PKD2L2: variants seen among roughly 807,000 people sequenced by gnomAD.
PKD2L2 encodes the protein polycystin 2 like 2, transient receptor potential cation channel, also known as polycystin-2-like protein 2.
In PKD2L2, 67 loss-of-function variants were observed where a neutral mutation model predicts 83.9. The ratio of observed to expected loss-of-function variants is 0.80; its 90% CI spans 0.66 to 0.98. The LOEUF (loss-of-function observed/expected upper bound fraction) is 0.98, where lower values mean the gene tolerates loss of function less well. PKD2L2 is among the 50% of genes least tolerant of loss of function. The pLI, the probability that PKD2L2 is intolerant of heterozygous loss-of-function variation, is 0.00. For synonymous variants in PKD2L2, 223 were observed against 237.8 expected (o/e 0.94, Z 0.57); for missense variants, 632 against 717.2 (o/e 0.88, Z 1.36).
At position 137,890,539 on chromosome 5, in the gene PKD2L2, G is replaced by T. The variant is rs1486706748; in HGVS notation, c.90G>T (p.Gln30His). 3 of 1,575,156 alleles carry T rather than the reference G, an allele frequency of 1.9e-6. No individual in the cohort carries two copies. The highest frequency in any genetic ancestry group is 2.7e-5 in the African/African-American group (2 of 73,666). The stretch of plus-strand genomic sequence containing the variant: ...AAGTAGAAATTACAACCACACTTCA[G>T]GAATTGTTACTCTACTTTATTTTTT... ...RKEVEITTTLQELLLYFIFLI... is the reference protein window; with the variant it reads ...RKEVEITTTLHELLLYFIFLI... Residue 30 changes from glutamine to histidine, a missense_variant, in exon 2 of 15, where the codon CAG becomes CAT. Transcript: ENST00000508883.
At chr5:137,912,966 G>A (rs1307442931) in intron 8 of PKD2L2, among the ~76,000 whole-genome samples, 4 of 150,728 alleles carry the variant, frequency 2.7e-5, no homozygotes, top group East Asian at 2.0e-4. Context: ...CACCACGGCC[G>A]GCTAGTTTTG....
At chr5:137,912,367 T>C (rs1319612496) in intron 8 of PKD2L2, among the ~76,000 whole-genome samples, 1 of 152,138 alleles carries the variant, frequency 6.6e-6, no homozygotes, top group Non-Finnish European at 1.5e-5. Flanking sequence ...GATATCTCAT[T>C]TTGTTTTGGT....
chr5:137,889,678 T>C (rs1322470253), intron 1 of PKD2L2, among the ~76,000 whole-genome samples, 156 bp downstream of exon 1: 1 of 152,214 alleles, frequency 6.6e-6, no homozygotes, highest in Admixed American at 6.5e-5. Context: ...GAGGGACAGA[T>C]GGTCCCATTG....
At chr5:137,939,973 A>G in intron 14 of PKD2L2, 1 of 1,527,188 alleles carries the variant, frequency 6.5e-7, no homozygotes, top group Admixed American at 2.2e-5. Flanking sequence ...AGTACAAAAC[A>G]ATGAAGTAAA....
At chr5:137,913,884 T>TC (rs753537814) in intron 8 of PKD2L2, among the ~76,000 whole-genome samples, 54 of 149,504 alleles carry the variant, frequency 3.6e-4, no homozygotes, top group Non-Finnish European at 6.5e-4. Flanking sequence ...TTTTTTTTTT[T>TC]CCCGATGAGG....
rs200332638 is a variant in PKD2L2 at position 137,906,463 on chromosome 5, A to G, written c.975+29A>G. 487 of 1,154,762 alleles carry G rather than the reference A, an allele frequency of 4.2e-4. 1 individual carries two copies. The African/African-American group carries it at 7.1e-3, about 17-fold the overall frequency. The allele number at this position is 1,154,762 out of a possible 1,614,324, so 71.5% of individuals were successfully genotyped here. A position where few individuals can be genotyped will look rare whatever the true frequency, so the allele number is the denominator to read the frequency against. ...AGTATATATTCATGTGTATGGTTGA[A>G]GGGGATCACATCTGAACCTACCAAT... On this transcript the variant is annotated intron_variant, in intron 6 of 14. Transcript: ENST00000508883.
At chr5:137,906,875 CA>C (rs1757415141) in intron 6 of PKD2L2, among the ~76,000 whole-genome samples, 1 of 152,100 alleles carries the variant, frequency 6.6e-6, no homozygotes, top group African/African-American at 2.4e-5. Flanking sequence ...AGAATACTGA[CA>C]GGGGTGAGCA....
chr5:137,912,382 T>C (rs552773080), intron 8 of PKD2L2, among the ~76,000 whole-genome samples: 3 of 152,294 alleles, frequency 2.0e-5, no homozygotes, highest in African/African-American at 7.2e-5. Flanking sequence ...TTTGGTTTGG[T>C]TTGAGATGGA....
chr5:137,921,339 C>T (rs977781428), intron 8 of PKD2L2, among the ~76,000 whole-genome samples: 14 of 142,136 alleles, frequency 9.8e-5, no homozygotes, highest in African/African-American at 1.1e-4. Context: ...CTAGCCTGGG[C>T]GACAGAGTTT....
chr5:137,893,615 G>A (rs1244925187), intron 3 of PKD2L2, among the ~76,000 whole-genome samples: 1 of 152,182 alleles, frequency 6.6e-6, no homozygotes, highest in African/African-American at 2.4e-5. Flanking sequence ...GTGGAGCTAT[G>A]TTTGGTATTG....
At chr5:137,908,053 A>T (rs901408549) in intron 7 of PKD2L2, 141 bp downstream of exon 7, 6 of 414,838 alleles carry the variant, frequency 1.4e-5, no homozygotes, top group African/African-American at 1.2e-4. Context: ...AGTGGCTCAT[A>T]CCTGTACTCC....
intron 2 of PKD2L2, 79 bp from the exon 3 acceptor site, chr5:137,892,401 G>GA (rs1048948353): frequency 2.7e-6 from 2 of 737,920 alleles, no homozygotes; most frequent in East Asian, 3.3e-5. Context: ...TCAAAATTGA[G>GA]AAAAAAATGT....
At chr5:137,915,794 AG>A (rs1758275692) in intron 8 of PKD2L2, among the ~76,000 whole-genome samples, 1 of 152,222 alleles carries the variant, frequency 6.6e-6, no homozygotes. Context: ...ACAAAAATGA[AG>A]TTGCAAACTG....
chr5:137,920,152 A>C (rs890982077), intron 8 of PKD2L2, among the ~76,000 whole-genome samples: 9 of 152,160 alleles, frequency 5.9e-5, no homozygotes, highest in Non-Finnish European at 1.0e-4. Flanking sequence ...GCAGTGAGCC[A>C]AGATCCCACC....
chr5:137,927,064 A>C (rs1373164562), intron 12 of PKD2L2, among the ~76,000 whole-genome samples: 1 of 152,206 alleles, frequency 6.6e-6, no homozygotes, highest in East Asian at 1.9e-4. Flanking sequence ...CAAATTTGAG[A>C]ATATTTAAGC....
Position 137,892,699 on chromosome 5 carries a change from T to C in PKD2L2, c.267+86T>C, listed in dbSNP as rs1382993781. The C allele has an allele frequency of 1.3e-5, 13 of 1,023,518 alleles. No individual in the cohort carries two copies. In the Admixed American group the frequency reaches 2.2e-4, roughly 17 times the overall value. 63.4% of individuals were successfully genotyped at this position (1,023,518 alleles called of 1,614,324 possible). On this transcript the variant is annotated intron_variant, in intron 3 of 14. Transcript: ENST00000508883. ...CACAGTGGGCACTCAATGAATATCT[T>C]TTGAAGAAATGAATAAAAATAAATG...
intron 8 of PKD2L2, 49 bp from the exon 9 acceptor site, chr5:137,921,587 A>G (rs369212479): frequency 1.4e-5 from 17 of 1,199,786 alleles, no homozygotes; most frequent in Non-Finnish European, 2.1e-5. Flanking sequence ...ATCAGTTGTC[A>G]TGTATGTACA....
intron 8 of PKD2L2, among the ~76,000 whole-genome samples, chr5:137,915,950 T>G (rs1758289587): frequency 6.6e-6 from 1 of 152,224 alleles, no homozygotes; most frequent in Non-Finnish European, 1.5e-5. Context: ...ATAGATCTAG[T>G]GATAATAAAC....
Position 137,899,565 on chromosome 5 carries a change from C to A in PKD2L2, c.574C>A (p.Leu192Ile), listed in dbSNP as rs1415439665. 2 of 1,613,626 alleles carry A rather than the reference C, an allele frequency of 1.2e-6. No homozygotes were observed. The highest frequency in any genetic ancestry group is 1.7e-6 in the Non-Finnish European group (2 of 1,179,670). ...CAACTCCCCTTGGCACTGGGGATTTCTTGGTGTTTACCGAAATGGGGGATA... is the reference window on the plus strand; with the variant it reads ...CAACTCCCCTTGGCACTGGGGATTTATTGGTGTTTACCGAAATGGGGGATA... ...NTNSPWHWGF[L>I]GVYRNGGYIF... The change falls in exon 5 of 15, where the codon CTT becomes ATT. Residue 192 changes from leucine (L) to isoleucine (I), a missense_variant. This residue lies in a region of PKD2L2 where 229 missense variants were observed against 281.5 expected (regional missense o/e 0.81). Transcript: ENST00000508883.
Sources: allele counts gnomAD v4.1 joint callset (sites outside exome capture counted in the v4.1 genomes callset), GRCh38; gene constraint gnomAD v4.1.1; regional missense constraint gnomAD v4.1.1; transcripts MANE v1.5; gene names NCBI Gene and HGNC (gene_info 2026-07-23, HGNC 2026-07-21).